The following BNC1 variants were observed in gnomAD, a reference collection of about 807,000 sequenced individuals.
BNC1 encodes the protein zinc finger protein basonuclin-1.
A neutral mutation model predicts 66.5 loss-of-function variants in BNC1; 8 were observed. That is an observed-to-expected ratio of 0.12 (90% CI 0.07 to 0.22). The LOEUF (loss-of-function observed/expected upper bound fraction) is 0.22, where lower values mean the gene tolerates loss of function less well. Ranked by LOEUF, BNC1 falls within the 10% of genes least tolerant of loss-of-function variation. The pLI is 1.00. For missense variants in BNC1, 1,069 were observed against 1,241.3 expected, an observed-to-expected ratio of 0.86 and a Z score of 2.09; for synonymous variants, 454 against 452.6, an observed-to-expected ratio of 1.00 and a Z score of -0.04.
Position 83,257,199 on chromosome 15 carries a change from C to T in BNC1, c.*243G>A, listed in dbSNP as rs1486970659. The T allele has an allele frequency of 5.4e-6, 3 of 557,798 alleles. No individual in the cohort carries two copies. Among genetic ancestry groups the T allele is most frequent in the East Asian group, 3.1e-5 (1 of 32,388 alleles). The allele number at this position is 557,798 out of a possible 1,614,324, so 34.6% of individuals were successfully genotyped here. ...AAATCTGGGAAAAATCACATTTCTG[C>T]AAGTTTTCCTTGTATCAGTGAAAGA... On this transcript the variant is annotated 3_prime_UTR_variant, in exon 5 of 5. Coordinates refer to ENST00000345382, the MANE Select transcript of BNC1 (RefSeq NM_001717.4).
At chr15:83,265,272 C>T (rs918358466) in intron 3 of BNC1, among the ~76,000 whole-genome samples, 3 of 152,178 alleles carry the variant, frequency 2.0e-5, no homozygotes, top group Admixed American at 6.5e-5. Flanking sequence ...TAATAATCTT[C>T]CTAAGCAACT....
chr15:83,269,296 G>C (rs917530456), intron 1 of BNC1, among the ~76,000 whole-genome samples: 5 of 152,148 alleles, frequency 3.3e-5, no homozygotes, highest in Non-Finnish European at 7.3e-5. Flanking sequence ...TCTCAAAGGA[G>C]ATACAGTACT....
At position 83,263,971 on chromosome 15, in the gene BNC1, C is replaced by A. The variant is rs1049984323; in HGVS notation, c.1280G>T (p.Arg427Met). Residue 427 changes from arginine (R) to methionine (M), a missense_variant, in exon 4 of 5, where the codon AGG becomes ATG. Physicochemically the swap from Arg to Met is moderately conservative, Grantham distance 91 (BLOSUM62 -1). This residue lies in a region of BNC1 where 657 missense variants were observed against 715.8 expected (regional missense o/e 0.92). Coordinates refer to ENST00000345382, the MANE Select transcript of BNC1 (RefSeq NM_001717.4). Reference sequence around the variant, plus strand: ...AGAGCTGGCCAGGTTCAGGCTGTTCCTGAGGTCTTTGTCCCGGTTATTTCT... The same window carrying A: ...AGAGCTGGCCAGGTTCAGGCTGTTCATGAGGTCTTTGTCCCGGTTATTTCT... ...MNRNNRDKDL[R>M]NSLNLASSEN... is the part of the protein sequence containing the mutation. 1 of 1,614,090 alleles carries A rather than the reference C, an allele frequency of 6.2e-7. No homozygotes were observed. Among genetic ancestry groups the A allele is most frequent in the African/African-American group, 1.3e-5 (1 of 74,932 alleles).
chr15:83,274,019 G>A (rs1002017977), intron 1 of BNC1, among the ~76,000 whole-genome samples: 1 of 152,182 alleles, frequency 6.6e-6, no homozygotes, highest in Non-Finnish European at 1.5e-5. Flanking sequence ...ACTGGTAAGG[G>A]GAAGAGGGAA....
At chr15:83,273,794 A>G (rs2038292158) in intron 1 of BNC1, among the ~76,000 whole-genome samples, 1 of 152,154 alleles carries the variant, frequency 6.6e-6, no homozygotes, top group South Asian at 2.1e-4. Flanking sequence ...GCCTCTTGTC[A>G]GGAGATGCTG....
Position 83,283,531 on chromosome 15 carries a change from C to T in BNC1, c.99+999G>A. On this transcript the variant is annotated intron_variant, in intron 1 of 4. Transcript: ENST00000345382. ...AGGCTGGGCGGGACTGTTAAGGGAG[C>T]TCGAAGTCGGGGGCCGGGGGCTTCC... 5 of 985,148 alleles carry T rather than the reference C, an allele frequency of 5.1e-6. 1 individual carries two copies. In the South Asian group the frequency reaches 1.9e-4, roughly 37 times the overall value. The allele number at this position is 985,148 out of a possible 1,614,324, so 61.0% of individuals were successfully genotyped here.
rs578216987 is a variant in BNC1 at position 83,277,320 on chromosome 15, T to C, written c.99+7210A>G. Among the ~76,000 whole-genome samples, 6 of 152,248 alleles carry C rather than the reference T, an allele frequency of 3.9e-5. No homozygotes were observed. The East Asian group carries it at 1.2e-3, about 29-fold the overall frequency. On this transcript the variant is annotated intron_variant, in intron 1 of 4. Coordinates refer to ENST00000345382, the MANE Select transcript of BNC1 (RefSeq NM_001717.4). ...GTCTTGAACTCCTGATTCACTTTTT[T>C]TCTTTTTTGGAGACAGTGTGGCTCT...
intron 1 of BNC1, among the ~76,000 whole-genome samples, chr15:83,284,099 A>G (rs2038415634): frequency 6.6e-6 from 1 of 151,812 alleles, no homozygotes; most frequent in African/African-American, 2.4e-5. Flanking sequence ...TCTGAGGTAA[A>G]AGAAAAAAAA....
chr15:83,284,376 CGCCGCGCCTCGGG>C (rs1242016191), intron 1 of BNC1, among the ~76,000 whole-genome samples, 141 bp downstream of exon 1: 1 of 151,752 alleles, frequency 6.6e-6, no homozygotes, highest in African/African-American at 2.4e-5. Context: ...CGGTCCCTCC[CGCCGCGCCTCGGG>C]GCCGCGCTGC....
intron 1 of BNC1, 99 bp downstream of exon 1, chr15:83,284,431 G>T: frequency 1.3e-6 from 1 of 751,768 alleles, no homozygotes; most frequent in Non-Finnish European, 1.7e-6. Flanking sequence ...CTCGGGAGGT[G>T]GCCCTCGGGT....
intron 1 of BNC1, chr15:83,283,589 G>C: frequency 1.1e-6 from 1 of 871,640 alleles, no homozygotes; most frequent in Non-Finnish European, 1.4e-6. Flanking sequence ...ACCCCTGAAG[G>C]AAGCGGCAGG....
chr15:83,268,041 G>T, intron 2 of BNC1, 92 bp downstream of exon 2: 3 of 1,078,992 alleles, frequency 2.8e-6, no homozygotes, highest in Non-Finnish European at 4.2e-6. Context: ...CTAGTTAGTT[G>T]TCATTCTTAA....
At chr15:83,264,967 A>T in intron 3 of BNC1, 152 bp from the exon 4 acceptor site, 1 of 729,448 alleles carries the variant, frequency 1.4e-6, no homozygotes, top group Non-Finnish European at 2.2e-6. Context: ...TGCTCACCCT[A>T]CTCTCCCAGG....
At chr15:83,262,464 C>A (rs1477271655) in intron 4 of BNC1, among the ~76,000 whole-genome samples, 2 of 152,094 alleles carry the variant, frequency 1.3e-5, no homozygotes, top group Admixed American at 1.3e-4. Context: ...TGTTAATGCC[C>A]TATAATAAAT....
intron 4 of BNC1, among the ~76,000 whole-genome samples, chr15:83,262,638 AC>A (rs2038156796): frequency 6.6e-6 from 1 of 152,252 alleles, no homozygotes; most frequent in Admixed American, 6.5e-5. Flanking sequence ...AATTCATAGA[AC>A]GGTTTCTCAA....
rs536592520 is a variant in BNC1, at chr15:83,262,855, A to T, written c.2300+96T>A. On this transcript the variant is annotated intron_variant, in intron 4 of 4. Coordinates refer to ENST00000345382, the MANE Select transcript of BNC1 (RefSeq NM_001717.4). ...GTGGAAATTCTAGGGTGGGGCTCAG[A>T]AGTCTGTGTTTTAACAATTCTCCGG... 4.7e-5 allele frequency: 61 copies of T among 1,296,208 alleles called. No homozygotes were observed. The East Asian group carries it at 1.4e-3, about 29-fold the overall frequency. 80.3% of individuals were successfully genotyped at this position (1,296,208 alleles called of 1,614,324 possible).
chr15:83,269,424 A>AGTGCGT (rs2038248319), intron 1 of BNC1, among the ~76,000 whole-genome samples: 1 of 149,856 alleles, frequency 6.7e-6, no homozygotes, highest in East Asian at 1.9e-4. Flanking sequence ...GAAACTGGGA[A>AGTGCGT]GTGCGTGTGT....
intron 4 of BNC1, among the ~76,000 whole-genome samples, chr15:83,262,452 A>G (rs1479128858): frequency 6.6e-6 from 1 of 152,218 alleles, no homozygotes; most frequent in Non-Finnish European, 1.5e-5. Context: ...ATAATGAAAC[A>G]TTGTTAATGC....
In BNC1 at chr15:83,263,729, G is replaced by A. The variant is rs202159199; in HGVS notation, c.1522C>T (p.Leu508Phe). 225 of 1,614,130 alleles carry A rather than the reference G, an allele frequency of 1.4e-4. No individual in the cohort carries two copies. Among genetic ancestry groups the A allele is most frequent in the Non-Finnish European group, 1.9e-5 (23 of 1,180,062 alleles). The change falls in exon 4 of 5, where the codon CTC (leucine) becomes TTC (phenylalanine). Residue 508 changes from leucine to phenylalanine, a missense_variant. Leu to Phe is a conservative substitution (Grantham distance 22, BLOSUM62 0). Coordinates refer to ENST00000345382, the MANE Select transcript of BNC1 (RefSeq NM_001717.4). ...PAEVANTPGI[L>F]PSLPLLSSSI... ...GAGGACAACAGCGGGAGGGAAGGGA[G>A]TATCCCAGGCGTGTTTGCTACCTCG...
Sources: gnomAD v4.1 joint callset for allele counts (sites outside exome capture counted in the v4.1 genomes callset) on GRCh38, gnomAD v4.1.1 for gene constraint, gnomAD v4.1.1 regional missense constraint, MANE v1.5 for transcripts, NCBI Gene and HGNC (gene_info 2026-07-23, HGNC 2026-07-21) for gene names.